CDAN1: variants seen among roughly 807,000 people sequenced by gnomAD.
The protein encoded by CDAN1 is codanin 1.
In CDAN1, 107 loss-of-function variants were observed where a neutral mutation model predicts 139.8. The ratio of observed to expected loss-of-function variants is 0.77; its 90% confidence interval spans 0.65 to 0.90. The LOEUF (loss-of-function observed/expected upper bound fraction) is 0.90. Ranked by LOEUF, CDAN1 falls within the 40% of genes least tolerant of loss-of-function variation. CDAN1 has a pLI of 0.00. For missense variants in CDAN1, 1,667 were observed against 1,575.7 expected, an observed-to-expected ratio of 1.06 and a Z score of -0.98; for synonymous variants, 776 against 660.6, an observed-to-expected ratio of 1.17 and a Z score of -2.68.
intron 2 of CDAN1, 103 bp from the exon 3 acceptor site, chr15:42,736,181 C>T (rs754848024): frequency 6.4e-7 from 1 of 1,572,370 alleles, no homozygotes; most frequent in Admixed American, 1.9e-5. Context: ...CCACAAAAAC[C>T]CTCACCATCA....
At chr15:42,728,290 A>G (rs770869536) in intron 20 of CDAN1, 23 bp from the exon 21 acceptor site, 1 of 1,612,826 alleles carries the variant, frequency 6.2e-7, no homozygotes, top group Non-Finnish European at 8.5e-7. Context: ...AGATGGGGTC[A>G]GTGATCTCTG....
At chr15:42,729,149 G>A (rs1474548467) in intron 18 of CDAN1, 23 bp from the exon 19 acceptor site, 3 of 1,613,696 alleles carry the variant, frequency 1.9e-6, no homozygotes, top group African/African-American at 1.3e-5. Flanking sequence ...GGGAGAGGCA[G>A]CAAGGCTTCC....
intron 10 of CDAN1, 121 bp from the exon 11 acceptor site, chr15:42,731,946 G>A (rs1388043358): frequency 1.1e-6 from 1 of 911,620 alleles, no homozygotes; most frequent in South Asian, 1.4e-5. Context: ...AAGTGCTTTA[G>A]ATAGATTTTC....
Position 42,724,463 on chromosome 15 carries a change from A to AT in CDAN1, c.*27dup. The AT allele has an allele frequency of 6.4e-7, 1 of 1,570,920 alleles. No homozygotes were observed. The highest frequency in any genetic ancestry group is 8.6e-7 in the Non-Finnish European group (1 of 1,157,330). On this transcript the variant is annotated 3_prime_UTR_variant, in exon 28 of 28. Coordinates refer to ENST00000356231, the MANE Select transcript of CDAN1 (RefSeq NM_138477.4). ...GGCGGGGGTCCAGGGTTCTGGTGCA[A>AT]TGCCCAAGGCAGGGCCACTTCTCAG...
intron 23 of CDAN1, chr15:42,727,032 T>C (rs1208800899): frequency 6.4e-6 from 1 of 155,888 alleles, no homozygotes. Flanking sequence ...ACTATGCAAC[T>C]CTGCTGTTCA....
In CDAN1 at chr15:42,726,178, G is replaced by C. The variant is rs1179949201; in HGVS notation, c.3205-18C>G. The C allele has an allele frequency of 6.2e-7, 1 of 1,613,780 alleles. No homozygotes were observed. On this transcript the variant is annotated intron_variant, in intron 24 of 27. Coordinates refer to ENST00000356231, the MANE Select transcript of CDAN1 (RefSeq NM_138477.4). Reference sequence around the variant, plus strand: ...CACAGGAACTGCGGTTGGGGTGGGGGGGAAAGAGAGACCATAGGTATCACC... The same window carrying C: ...CACAGGAACTGCGGTTGGGGTGGGGCGGAAAGAGAGACCATAGGTATCACC...
At chr15:42,727,581 TGGGAGCAGGGAAGCCAAA>T (rs754219719) in intron 23 of CDAN1, 22 bp downstream of exon 23, 20 of 1,484,922 alleles carry the variant, frequency 1.3e-5, no homozygotes, top group Admixed American at 2.4e-5. Flanking sequence ...AGCAGGGGGG[TGGGAGCAGGGAAGCCAAA>T]GGGAGTAGGG....
intron 13 of CDAN1, 61 bp from the exon 14 acceptor site, chr15:42,730,825 T>C: frequency 6.2e-7 from 1 of 1,613,164 alleles, no homozygotes; most frequent in Non-Finnish European, 8.5e-7. Context: ...AGATGCCCTT[T>C]AACCTGCCTG....
intron 14 of CDAN1, 82 bp downstream of exon 14, chr15:42,730,516 C>A (rs1178365363): frequency 2.0e-6 from 3 of 1,519,194 alleles, no homozygotes; most frequent in African/African-American, 1.4e-5. Flanking sequence ...GCAGACTGCT[C>A]GACCCTCTTT....
rs1240960610 is a variant in CDAN1 at position 42,732,270 on chromosome 15, G to A, written c.1533+63C>T. ...GTCTGCCCTATCCCAAAGTGCAGCC[G>A]TTAAGTGGCTGCCTGTGATGCCTGC... On this transcript the variant is annotated intron_variant, in intron 10 of 27. Coordinates refer to ENST00000356231, the MANE Select transcript of CDAN1 (RefSeq NM_138477.4). The A allele has an allele frequency of 8.8e-6, 13 of 1,473,778 alleles. No individual in the cohort carries two copies. The South Asian group carries it at 1.0e-4, about 12-fold the overall frequency. 91.3% of individuals were successfully genotyped at this position (1,473,778 alleles called of 1,614,324 possible). A position where few individuals can be genotyped will look rare whatever the true frequency, so the allele number is the denominator to read the frequency against.
intron 6 of CDAN1, 91 bp from the exon 7 acceptor site, chr15:42,734,437 A>AT: frequency 1.3e-6 from 2 of 1,534,736 alleles, no homozygotes; most frequent in Admixed American, 1.7e-5. Context: ...TCTCTAAGGC[A>AT]TGGCGCAGGT....
rs778130045 is a variant in CDAN1 at position 42,728,186 on chromosome 15, G to T, written c.2868+18C>A. On this transcript the variant is annotated intron_variant, in intron 21 of 27. Transcript: ENST00000356231. ...ACAACTGCCTGGCCTGCTAGCTGCA[G>T]GCCTCCCTCACACGTACGGCTGCCG... The T allele has an allele frequency of 3.1e-6, 5 of 1,612,826 alleles. No homozygotes were observed.
rs374093958 is a variant in CDAN1 at position 42,730,232 on chromosome 15, C to T, written c.2175-17G>A. 3.7e-6 allele frequency: 6 copies of T among 1,609,364 alleles called. No individual in the cohort carries two copies. Among genetic ancestry groups the T allele is most frequent in the Admixed American group, 3.3e-5 (2 of 59,998 alleles). The stretch of plus-strand genomic sequence containing the variant: ...ACCAAGCTCCTGAAACATCAATGGG[C>T]AGTACACGGGTTTGAGCAGAAAGGG... On this transcript the variant is annotated splice_polypyrimidine_tract_variant and intron_variant, in intron 14 of 27. Coordinates refer to ENST00000356231, the MANE Select transcript of CDAN1 (RefSeq NM_138477.4).
Position 42,736,194 on chromosome 15 carries a change from C to G in CDAN1, c.569+108G>C, listed in dbSNP as rs954634730. On this transcript the variant is annotated intron_variant, in intron 2 of 27. Coordinates refer to ENST00000356231, the MANE Select transcript of CDAN1 (RefSeq NM_138477.4). ...CCCCACAAAAACCCTCACCATCACC[C>G]CCAGCCTTCTACCCATCCTGGCGCT... The G allele has an allele frequency of 3.8e-6, 6 of 1,578,602 alleles. No homozygotes were observed. In the African/African-American group the frequency reaches 8.1e-5, roughly 21 times the overall value.
rs1003581477 is a variant in CDAN1, at chr15:42,727,516, C to T, written c.3096+105G>A. 7.3e-6 allele frequency: 8 copies of T among 1,091,412 alleles called. No individual in the cohort carries two copies. In the Admixed American group the frequency reaches 1.7e-4, roughly 24 times the overall value. The allele number at this position is 1,091,412 out of a possible 1,614,324, so 67.6% of individuals were successfully genotyped here. A position where few individuals can be genotyped will look rare whatever the true frequency, so the allele number is the denominator to read the frequency against. On this transcript the variant is annotated intron_variant, in intron 23 of 27. Coordinates refer to ENST00000356231, the MANE Select transcript of CDAN1 (RefSeq NM_138477.4). Reference sequence around the variant, plus strand: ...ACGGGGACTAGCTGGACAGCACAGACAGCTTCTACATAAAAATCCTGGAGC... The same window carrying T: ...ACGGGGACTAGCTGGACAGCACAGATAGCTTCTACATAAAAATCCTGGAGC...
chr15:42,728,623 A>C, intron 20 of CDAN1, 29 bp downstream of exon 20: 1 of 1,613,008 alleles, frequency 6.2e-7, no homozygotes, highest in East Asian at 2.2e-5. Flanking sequence ...CCAAGAGGAG[A>C]GTGGATCAAA....
chr15:42,733,098 T>G lies in CDAN1; in HGVS notation c.1456A>C (p.Arg486=). 1 of 1,613,914 alleles carries G rather than the reference T, an allele frequency of 6.2e-7. No homozygotes were observed. Among genetic ancestry groups the G allele is most frequent in the South Asian group, 1.1e-5 (1 of 91,070 alleles). The change falls in exon 9 of 28, where the codon AGG becomes CGG. Residue 486 remains arginine, a splice_region_variant and synonymous_variant. Coordinates refer to ENST00000356231, the MANE Select transcript of CDAN1 (RefSeq NM_138477.4). ...GAAAGACAAGGTCTGAGCACCCACCTGATTCTGCTGCCCAAGCCCTTCTCA... is the reference window on the plus strand; with the variant it reads ...GAAAGACAAGGTCTGAGCACCCACCGGATTCTGCTGCCCAAGCCCTTCTCA... ...DFEKGLGSRI[R]AMMGQLSAAC...
chr15:42,728,975 G>A (rs1203519432), intron 19 of CDAN1, 48 bp downstream of exon 19: 1 of 1,599,818 alleles, frequency 6.3e-7, no homozygotes, highest in African/African-American at 1.3e-5. Flanking sequence ...AGGAAAAAGG[G>A]GAAAAAATGG....
Position 42,729,334 on chromosome 15 carries a change from C to G in CDAN1, c.2436G>C (p.Trp812Cys). The part of the protein sequence containing the change: ...IGELRKLLAS[W>C]VSGSSGRSGG... ...CACTCCGTCCACTACTGCCTGACAC[C>G]CACGAAGCGAGCAGTTTCCGGAGCT... is the stretch of plus-strand genomic sequence containing the variant. Residue 812 changes from tryptophan to cysteine, a missense_variant, in exon 18 of 28, where the codon TGG (tryptophan) becomes TGC (cysteine). Trp to Cys is a radical substitution (Grantham distance 215). Coordinates refer to ENST00000356231, the MANE Select transcript of CDAN1 (RefSeq NM_138477.4). The G allele has an allele frequency of 6.2e-7, 1 of 1,614,166 alleles. No individual in the cohort carries two copies. Among genetic ancestry groups the G allele is most frequent in the Non-Finnish European group, 8.5e-7 (1 of 1,180,028 alleles).
Sources: gnomAD v4.1 joint callset for allele counts on GRCh38, gnomAD v4.1.1 for gene constraint, MANE v1.5 for transcripts, NCBI Gene and HGNC (gene_info 2026-07-23, HGNC 2026-07-21) for gene names.